GHR: variants seen among roughly 807,000 people sequenced by gnomAD.
GHR encodes growth hormone receptor, also known as GH receptor.
Under a neutral mutation model 67.1 loss-of-function variants are expected in GHR, and 35 were observed. The ratio of observed to expected loss-of-function variants is 0.52; its 90% CI spans 0.40 to 0.69. The LOEUF (loss-of-function observed/expected upper bound fraction) is 0.69, where lower values mean the gene tolerates loss of function less well. GHR is among the 30% of genes least tolerant of loss of function. The pLI is 0.00. For missense variants in GHR, 792 were observed against 764.6 expected (o/e 1.04, Z -0.42); for synonymous variants, 272 against 269.1 (o/e 1.01, Z -0.10).
chr5:42,600,840 C>T (rs6887952), intron 2 of GHR, among the ~76,000 whole-genome samples: 2,440 of 147,064 alleles, frequency 0.017, 67 homozygotes, highest in African/African-American at 0.059. Flanking sequence ...TAAAAAAATT[C>T]TTTTTATCTT....
At chr5:42,520,256 A>G (rs1231725916) in intron 1 of GHR, among the ~76,000 whole-genome samples, 1 of 152,150 alleles carries the variant, frequency 6.6e-6, no homozygotes, top group African/African-American at 2.4e-5. Context: ...CAAATCCTAA[A>G]GTACCTATTA....
intron 1 of GHR, among the ~76,000 whole-genome samples, chr5:42,536,758 T>C (rs1456661071): frequency 6.6e-6 from 1 of 152,166 alleles, no homozygotes; most frequent in East Asian, 1.9e-4. Flanking sequence ...CTTCTTTGAA[T>C]GTCTGGTCAA....
At chr5:42,661,267 T>C (rs953985284) in intron 3 of GHR, among the ~76,000 whole-genome samples, 4 of 152,210 alleles carry the variant, frequency 2.6e-5, no homozygotes, top group African/African-American at 9.6e-5. Context: ...CACAAAGATA[T>C]TCCTCGAGAA....
At chr5:42,473,356 G>A (rs563871310) in intron 1 of GHR, among the ~76,000 whole-genome samples, 2 of 152,090 alleles carry the variant, frequency 1.3e-5, no homozygotes, top group Admixed American at 6.6e-5. Flanking sequence ...TCAGCCTCCC[G>A]ATTTCTAAGT....
At chr5:42,644,749 G>A (rs576691769) in intron 3 of GHR, among the ~76,000 whole-genome samples, 1 of 151,594 alleles carries the variant, frequency 6.6e-6, no homozygotes, top group South Asian at 2.1e-4. Flanking sequence ...ACACAAAACA[G>A]GATTGCTATA....
Position 42,467,438 on chromosome 5 carries a change from T to G in GHR, c.-12+43483T>G, listed in dbSNP as rs187306444. The G allele has an allele frequency of 6.2e-6, 6 of 966,440 alleles. No homozygotes were observed. In the African/African-American group the frequency reaches 8.1e-5, roughly 13 times the overall value. The allele number at this position is 966,440 out of a possible 1,614,324, so 59.9% of individuals were successfully genotyped here. Reference sequence around the variant, plus strand: ...TGGACAATATGGTTTGAGCTCCCAGTAAATGTTTTCCGACACTCATTACAT... The same window carrying G: ...TGGACAATATGGTTTGAGCTCCCAGGAAATGTTTTCCGACACTCATTACAT... On this transcript the variant is annotated intron_variant, in intron 1 of 9. Transcript: ENST00000230882.
chr5:42,694,730 G>T (rs1579625605), intron 4 of GHR, among the ~76,000 whole-genome samples, 187 bp from the exon 5 acceptor site: 1 of 152,312 alleles, frequency 6.6e-6, no homozygotes, highest in Middle Eastern at 3.4e-3. Context: ...CGGCCTCGTA[G>T]CAGTCGTCAG....
intron 3 of GHR, among the ~76,000 whole-genome samples, chr5:42,655,015 C>T (rs960878269): frequency 2.0e-5 from 3 of 152,070 alleles, no homozygotes; most frequent in Admixed American, 6.6e-5. Flanking sequence ...CCCTGAATGC[C>T]AGACTATCTT....
At chr5:42,599,019 G>C (rs1752226915) in intron 2 of GHR, among the ~76,000 whole-genome samples, 1 of 152,150 alleles carries the variant, frequency 6.6e-6, no homozygotes, top group Non-Finnish European at 1.5e-5. Context: ...CATATTATCT[G>C]GCACCATTTC....
intron 1 of GHR, among the ~76,000 whole-genome samples, chr5:42,542,887 T>G (rs762996056): frequency 1.3e-5 from 2 of 152,186 alleles, no homozygotes; most frequent in Non-Finnish European, 1.5e-5. Context: ...TTCATGGTAT[T>G]TGGTTTTCCA....
intron 1 of GHR, among the ~76,000 whole-genome samples, chr5:42,473,672 A>G (rs1472151212): frequency 6.6e-6 from 1 of 151,962 alleles, no homozygotes. Flanking sequence ...AGGTCAAGAG[A>G]TTGAGACCAT....
At chr5:42,468,738 C>T in intron 1 of GHR, 1 of 1,008,456 alleles carries the variant, frequency 9.9e-7, no homozygotes, top group South Asian at 1.3e-5. Flanking sequence ...AGACGCCGCC[C>T]CCGCCAGCTT....
At chr5:42,597,379 T>A (rs996676376) in intron 2 of GHR, among the ~76,000 whole-genome samples, 1 of 152,214 alleles carries the variant, frequency 6.6e-6, no homozygotes, top group African/African-American at 2.4e-5. Flanking sequence ...TGCCATAATT[T>A]AATTTGTAAT....
intron 1 of GHR, among the ~76,000 whole-genome samples, chr5:42,443,013 T>G (rs1401523869): frequency 6.6e-6 from 1 of 152,164 alleles, no homozygotes; most frequent in African/African-American, 2.4e-5. Context: ...TGAAAACAGA[T>G]TAGAAGCATG....
chr5:42,550,841 G>A (rs926331082), intron 1 of GHR, among the ~76,000 whole-genome samples: 1 of 152,088 alleles, frequency 6.6e-6, no homozygotes, highest in African/African-American at 2.4e-5. Flanking sequence ...TTTTGATGTC[G>A]TTGGGACCTT....
At chr5:42,708,963 CTT>C (rs1561247005) in intron 6 of GHR, among the ~76,000 whole-genome samples, 1 of 151,996 alleles carries the variant, frequency 6.6e-6, no homozygotes, top group Non-Finnish European at 1.5e-5. Flanking sequence ...AGACCAGGGG[CTT>C]ATATATAATA....
At chr5:42,565,783 T>A (rs1419084300) in intron 1 of GHR, 81 bp from the exon 2 acceptor site, 1 of 1,611,472 alleles carries the variant, frequency 6.2e-7, no homozygotes, top group Non-Finnish European at 8.5e-7. Flanking sequence ...ATTCATGTCT[T>A]ACCCAGTCTT....
chr5:42,468,830 C>G, intron 1 of GHR: 1 of 1,007,394 alleles, frequency 9.9e-7, no homozygotes, highest in Non-Finnish European at 1.5e-6. Context: ...CGGTTGGTGA[C>G]CAGGCAGCTG....
chr5:42,578,672 A>G (rs1449198543), intron 2 of GHR, among the ~76,000 whole-genome samples: 3 of 152,226 alleles, frequency 2.0e-5, no homozygotes, highest in Non-Finnish European at 4.4e-5. Context: ...ACTCTTTTAT[A>G]CAATGTCATA....
Sources: gnomAD v4.1 joint callset for allele counts (sites outside exome capture counted in the v4.1 genomes callset) on GRCh38, gnomAD v4.1.1 for gene constraint, MANE v1.5 for transcripts, NCBI Gene and HGNC (gene_info 2026-07-23, HGNC 2026-07-21) for gene names.